MAPK10: variants seen among roughly 807,000 people sequenced by gnomAD.
The protein encoded by MAPK10 is mitogen-activated protein kinase 10, also known as JNK3 alpha protein kinase.
MAPK10 carries 25 observed loss-of-function variants against 59.3 expected under a neutral mutation model. That is an observed-to-expected ratio of 0.42 (90% confidence interval 0.31 to 0.59). The LOEUF is 0.59. Among genes scored for constraint, MAPK10 ranks in the 20% least tolerant of loss-of-function variants. MAPK10 has a pLI of 0.15. For synonymous variants in MAPK10, 190 were observed against 200.5 expected, an observed-to-expected ratio of 0.95 and a Z score of 0.44; for missense variants, 351 against 568.9, an observed-to-expected ratio of 0.62 and a Z score of 3.90.
intron 1 of MAPK10, among the ~76,000 whole-genome samples, chr4:86,537,427 G>C (rs553182625): frequency 6.6e-6 from 1 of 152,286 alleles, no homozygotes; most frequent in South Asian, 2.1e-4. Context: ...TATCCCAATA[G>C]TAATAATTGC....
intron 1 of MAPK10, among the ~76,000 whole-genome samples, chr4:86,482,361 TCCACC>T (rs1255156980): frequency 2.0e-5 from 3 of 152,164 alleles, no homozygotes; most frequent in Non-Finnish European, 4.4e-5. Flanking sequence ...CAATAGTCAG[TCCACC>T]AACATAAATC....
At chr4:86,364,932 A>T (rs1460385414), upstream of MAPK10, among the ~76,000 whole-genome samples, 1 of 152,130 alleles carries the variant, frequency 6.6e-6, no homozygotes, top group African/African-American at 2.4e-5. Context: ...ATGAGCCAAG[A>T]TCACACCACT....
chr4:86,249,674 G>A (rs58716149), intron 2 of MAPK10, among the ~76,000 whole-genome samples: 87 of 152,234 alleles, frequency 5.7e-4, no homozygotes, highest in African/African-American at 2.0e-3. Flanking sequence ...ATGGGATATA[G>A]TTTTTTGGTC....
At chr4:86,263,037 C>G (rs541142804) in intron 2 of MAPK10, among the ~76,000 whole-genome samples, 3 of 152,308 alleles carry the variant, frequency 2.0e-5, no homozygotes, top group Admixed American at 6.5e-5. Context: ...TGTGGTGAAT[C>G]AGGGGCTGCA....
At chr4:86,020,758 G>C (rs1746155859) in intron 13 of MAPK10, 1 of 154,270 alleles carries the variant, frequency 6.5e-6, no homozygotes. Flanking sequence ...GTTCCTCCCA[G>C]TGGGCTCGTG....
chr4:86,357,987 G>T, intron 1 of MAPK10: 1 of 789,970 alleles, frequency 1.3e-6, no homozygotes, highest in Non-Finnish European at 1.5e-6. Flanking sequence ...GTAGGGGAGA[G>T]AAAACCCAGT....
At chr4:86,261,912 A>G (rs1260177438) in intron 2 of MAPK10, among the ~76,000 whole-genome samples, 1 of 152,244 alleles carries the variant, frequency 6.6e-6, no homozygotes, top group Non-Finnish European at 1.5e-5. Context: ...GGCTAGTTCC[A>G]CAGAAGAGTA....
chr4:86,377,873 T>A (rs146267731), intron 1 of MAPK10, among the ~76,000 whole-genome samples: 2,785 of 152,180 alleles, frequency 0.018, 45 homozygotes, highest in Middle Eastern at 0.031. Context: ...AAGAGAAAGA[T>A]ACAGGATGGG....
intron 2 of MAPK10, among the ~76,000 whole-genome samples, chr4:86,287,267 T>C (rs2148813532): frequency 6.6e-6 from 1 of 152,322 alleles, no homozygotes; most frequent in East Asian, 1.9e-4. Flanking sequence ...CATTGTTAAA[T>C]AAAAACACTG....
Position 86,184,024 on chromosome 4 carries a change from T to C in MAPK10, c.66+10312A>G, listed in dbSNP as rs2077553813. ...CTTGTAAATTTGTTTGAGTTCATTG[T>C]AGATTCTGGATATTAGCCCTTTGTC... On this transcript the variant is annotated intron_variant, in intron 3 of 13. Coordinates refer to ENST00000641462, the MANE Select transcript of MAPK10 (RefSeq NM_138982.4). 2.0e-5 allele frequency among the ~76,000 whole-genome samples: 3 copies of C among 152,204 alleles called. No homozygotes were observed. In the South Asian group the frequency reaches 6.2e-4, roughly 31 times the overall value.
At position 86,339,247 on chromosome 4, in the gene MAPK10, G is replaced by A. The variant is rs556627503; in HGVS notation, c.-7+15283C>T. Among the ~76,000 whole-genome samples the A allele has an allele frequency of 3.9e-5, 6 of 152,280 alleles. No homozygotes were observed. The South Asian group carries it at 6.2e-4, about 16-fold the overall frequency. On this transcript the variant is annotated intron_variant, in intron 2 of 13. Transcript: ENST00000641462. ...GCAGTGACTAAGGGAGGCATGCAGT[G>A]ACTAAGGGAAGAAGAGGCTGAGGCT...
At chr4:86,104,768 C>A (rs1343053886) in intron 5 of MAPK10, among the ~76,000 whole-genome samples, 6 of 152,052 alleles carry the variant, frequency 3.9e-5, no homozygotes, top group African/African-American at 1.4e-4. Flanking sequence ...GGTAATTTAT[C>A]AAGATCTATT....
intron 1 of MAPK10, among the ~76,000 whole-genome samples, chr4:86,527,933 A>C (rs1174443046): frequency 3.9e-5 from 6 of 152,238 alleles, no homozygotes; most frequent in African/African-American, 1.4e-4. Flanking sequence ...TTTCACTTAT[A>C]AATGGGTGCT....
At chr4:86,480,729 A>G (rs998988331) in intron 1 of MAPK10, among the ~76,000 whole-genome samples, 1 of 152,196 alleles carries the variant, frequency 6.6e-6, no homozygotes, top group African/African-American at 2.4e-5. Flanking sequence ...ATCTTTCCTC[A>G]TCCATCATAA....
upstream of MAPK10, among the ~76,000 whole-genome samples, chr4:86,456,379 G>C (rs1290031304): frequency 6.6e-6 from 1 of 152,012 alleles, no homozygotes; most frequent in Non-Finnish European, 1.5e-5. Context: ...CTGGTTATTT[G>C]AAAAGGTAAA....
intron 2 of MAPK10, among the ~76,000 whole-genome samples, chr4:86,333,784 G>C (rs1326798776): frequency 6.6e-6 from 1 of 152,086 alleles, no homozygotes; most frequent in African/African-American, 2.4e-5. Context: ...TAAAATCAGG[G>C]ATCACAGTAG....
Position 86,205,420 on chromosome 4 carries a change from T to C in MAPK10, c.-6-11013A>G, listed in dbSNP as rs112542433. On this transcript the variant is annotated intron_variant, in intron 2 of 13. Coordinates refer to ENST00000641462, the MANE Select transcript of MAPK10 (RefSeq NM_138982.4). ...TGAGAGATTTTAACACATGTAAGTATCTCTTGCTTTTTATACAAACTGTTA... is the reference window on the plus strand; with the variant it reads ...TGAGAGATTTTAACACATGTAAGTACCTCTTGCTTTTTATACAAACTGTTA... 4.7e-3 allele frequency among the ~76,000 whole-genome samples: 722 copies of C among 152,106 alleles called. 4 individuals are homozygous for C. The highest frequency in any genetic ancestry group is 8.5e-3 in the Non-Finnish European group (578 of 67,950).
At chr4:86,031,468 A>C (rs1416949353) in intron 11 of MAPK10, 37 bp from the exon 12 acceptor site, 1 of 1,452,972 alleles carries the variant, frequency 6.9e-7, no homozygotes, top group South Asian at 1.1e-5. Context: ...TTTGTGTGAT[A>C]ATGTAAACAT....
At chr4:86,108,514 T>C (rs2056927031) in intron 4 of MAPK10, among the ~76,000 whole-genome samples, 1 of 152,118 alleles carries the variant, frequency 6.6e-6, no homozygotes, top group Admixed American at 6.6e-5. Flanking sequence ...AAGAAAATGA[T>C]AGATTCACAG....
Sources: gnomAD v4.1 joint callset for allele counts (sites outside exome capture counted in the v4.1 genomes callset) on GRCh38, gnomAD v4.1.1 for gene constraint, MANE v1.5 for transcripts, NCBI Gene and HGNC (gene_info 2026-07-23, HGNC 2026-07-21) for gene names.